The following LRP6 variants were observed in gnomAD, a reference collection of about 807,000 sequenced individuals.
The protein encoded by LRP6 is low-density lipoprotein receptor-related protein 6.
Under a neutral mutation model 184.1 loss-of-function variants are expected in LRP6, and 43 were observed. The ratio of observed to expected loss-of-function variants is 0.23; its 90% CI spans 0.18 to 0.30. The LOEUF is 0.30. Among genes scored for constraint, LRP6 ranks in the 10% least tolerant of loss-of-function variants. LRP6 has a pLI of 1.00. For missense variants in LRP6, 1,571 were observed against 2,005.3 expected, an observed-to-expected ratio of 0.78 and a Z score of 4.14; for synonymous variants, 719 against 684.9, an observed-to-expected ratio of 1.05 and a Z score of -0.78.
intron 19 of LRP6, among the ~76,000 whole-genome samples, chr12:12,127,366 T>G (rs1307644956): frequency 6.6e-6 from 1 of 152,246 alleles, no homozygotes; most frequent in Non-Finnish European, 1.5e-5. Flanking sequence ...TCAAATGTTT[T>G]ACCTGGAATG....
chr12:12,148,879 G>GA, intron 14 of LRP6, 63 bp downstream of exon 14: 1 of 1,184,688 alleles, frequency 8.4e-7, no homozygotes, highest in East Asian at 2.3e-5. Context: ...ATAACAGGCT[G>GA]AAAAAGAAGG....
chr12:12,204,540 T>C (rs1864001197), intron 2 of LRP6, among the ~76,000 whole-genome samples: 2 of 151,302 alleles, frequency 1.3e-5, no homozygotes, highest in Non-Finnish European at 2.9e-5. Flanking sequence ...TTTGCTTCTA[T>C]TCCACAAGTT....
At chr12:12,146,033 T>G (rs1292187727) in intron 15 of LRP6, among the ~76,000 whole-genome samples, 1 of 152,172 alleles carries the variant, frequency 6.6e-6, no homozygotes, top group African/African-American at 2.4e-5. Flanking sequence ...TCTTAAGAAT[T>G]TTTCTGAAAT....
chr12:12,129,918 A>C (rs2136858315), intron 19 of LRP6, among the ~76,000 whole-genome samples: 1 of 152,234 alleles, frequency 6.6e-6, no homozygotes, highest in South Asian at 2.1e-4. Flanking sequence ...GTCCCTAATA[A>C]GCTGACTACT....
chr12:12,155,589 T>C, intron 12 of LRP6: 2 of 754,572 alleles, frequency 2.7e-6, no homozygotes, highest in Non-Finnish European at 2.4e-6. Context: ...AAGGAAGCTA[T>C]CAGAAAATGG....
chr12:12,211,754 G>A (rs1176346307), intron 2 of LRP6, among the ~76,000 whole-genome samples: 1 of 152,118 alleles, frequency 6.6e-6, no homozygotes, highest in Non-Finnish European at 1.5e-5. Flanking sequence ...AAAGTTAGTG[G>A]ACATAATGCA....
chr12:12,179,042 C>G (rs1032957933), intron 7 of LRP6, among the ~76,000 whole-genome samples: 1 of 152,176 alleles, frequency 6.6e-6, no homozygotes, highest in African/African-American at 2.4e-5. Context: ...AGACCTAACT[C>G]TGTTCTATCT....
At chr12:12,170,008 A>C (rs1346788413) in intron 7 of LRP6, among the ~76,000 whole-genome samples, 2 of 152,184 alleles carry the variant, frequency 1.3e-5, no homozygotes, top group South Asian at 2.1e-4. Context: ...GTATGTGTCC[A>C]TTTAAAATTT....
At chr12:12,227,411 T>TA (rs1398332430) in intron 2 of LRP6, among the ~76,000 whole-genome samples, 2 of 144,418 alleles carry the variant, frequency 1.4e-5, no homozygotes, top group African/African-American at 5.1e-5. Flanking sequence ...TTCTTTTCCT[T>TA]TTTTTTTTTT....
In LRP6 at chr12:12,124,657, C is replaced by G; in HGVS notation, c.4455G>C (p.Leu1485Phe). ...STKGTYFPAILNPPPSPATER... is the reference protein window; with the variant it reads ...STKGTYFPAIFNPPPSPATER... The stretch of plus-strand genomic sequence containing the variant: ...CTGTGGCTGGGGATGGTGGAGGGTT[C>G]AAAATCTAAAAGAAAAAAATAATTA... The change falls in exon 22 of 23, where the codon TTG (leucine) becomes TTC (phenylalanine). Residue 1485 changes from leucine to phenylalanine, a missense_variant. This residue lies in a region of LRP6 where 763 missense variants were observed against 859.5 expected (regional missense o/e 0.89). Transcript: ENST00000261349. 6.2e-7 allele frequency: 1 copy of G among 1,601,992 alleles called. No homozygotes were observed. Among genetic ancestry groups the G allele is most frequent in the Non-Finnish European group, 8.5e-7 (1 of 1,170,766 alleles).
chr12:12,221,564 T>A (rs748425933), intron 2 of LRP6, among the ~76,000 whole-genome samples: 1 of 152,202 alleles, frequency 6.6e-6, no homozygotes, highest in Non-Finnish European at 1.5e-5. Flanking sequence ...ATATCCATTA[T>A]GTGGGTTCTT....
At chr12:12,157,355 G>A (rs1862618113) in intron 12 of LRP6, among the ~76,000 whole-genome samples, 1 of 151,836 alleles carries the variant, frequency 6.6e-6, no homozygotes, top group African/African-American at 2.4e-5. Flanking sequence ...CATTGTCCAG[G>A]TCTACCTGCA....
At chr12:12,243,673 A>G (rs1865116976) in intron 2 of LRP6, among the ~76,000 whole-genome samples, 1 of 152,202 alleles carries the variant, frequency 6.6e-6, no homozygotes, top group African/African-American at 2.4e-5. Flanking sequence ...GCACTTGGGG[A>G]GGCCAAGGCA....
rs75443988 is a variant in LRP6, at chr12:12,225,476, G to A, written c.449+18786C>T. ...ACCCGAGTAGGAAAACCTAAATTGCGATTGATGACTTGCTGGAGGCTTAGT... is the reference window on the plus strand; with the variant it reads ...ACCCGAGTAGGAAAACCTAAATTGCAATTGATGACTTGCTGGAGGCTTAGT... On this transcript the variant is annotated intron_variant, in intron 2 of 22. Transcript: ENST00000261349. Among the ~76,000 whole-genome samples the A allele has an allele frequency of 1.3e-3, 199 of 152,202 alleles. 3 individuals carry two copies. The East Asian group carries it at 0.032, about 24-fold the overall frequency.
At chr12:12,134,092 C>T (rs994266052) in intron 17 of LRP6, among the ~76,000 whole-genome samples, 1 of 152,096 alleles carries the variant, frequency 6.6e-6, no homozygotes, top group African/African-American at 2.4e-5. Flanking sequence ...TGAATACATG[C>T]ATTATTTATT....
At chr12:12,206,924 C>T (rs1353492315) in intron 2 of LRP6, among the ~76,000 whole-genome samples, 1 of 149,796 alleles carries the variant, frequency 6.7e-6, no homozygotes, top group South Asian at 2.1e-4. Flanking sequence ...CTCCCTTAAG[C>T]AATTAAAAAA....
chr12:12,138,361 T>C lies in LRP6; in HGVS notation c.3571A>G (p.Ile1191Val). 1.2e-6 allele frequency: 2 copies of C among 1,614,198 alleles called. No homozygotes were observed. The highest frequency in any genetic ancestry group is 4.5e-5 in the East Asian group (2 of 44,888). ...AGGTTCAGCTCCTTTACTGCATGAATGTCACTAAGCTGGGCAATTCGAGCT... is the reference window on the plus strand; with the variant it reads ...AGGTTCAGCTCCTTTACTGCATGAACGTCACTAAGCTGGGCAATTCGAGCT... Reference protein sequence around the residue: ...VQARIAQLSDIHAVKELNLQE... With the variant: ...VQARIAQLSDVHAVKELNLQE... The change falls in exon 16 of 23, where the codon ATT becomes GTT. Residue 1191 changes from isoleucine (I) to valine (V), a missense_variant. Physicochemically the swap from Ile to Val is conservative, Grantham distance 29. Coordinates refer to ENST00000261349, the MANE Select transcript of LRP6 (RefSeq NM_002336.3).
In LRP6 at chr12:12,124,557, T is replaced by C; in HGVS notation, c.4547+8A>G. 6.4e-7 allele frequency: 1 copy of C among 1,566,034 alleles called. No homozygotes were observed. The highest frequency in any genetic ancestry group is 2.2e-5 in the East Asian group (1 of 44,676). On this transcript the variant is annotated splice_region_variant and intron_variant, in intron 22 of 22. Coordinates refer to ENST00000261349, the MANE Select transcript of LRP6 (RefSeq NM_002336.3). Reference sequence around the variant, plus strand: ...CTGCACCTTATTTTAGAGAAGGATGTGTATTACCTGTATGACCTATGAGTG... The same window carrying C: ...CTGCACCTTATTTTAGAGAAGGATGCGTATTACCTGTATGACCTATGAGTG...
intron 4 of LRP6, among the ~76,000 whole-genome samples, chr12:12,186,641 A>C (rs1159429511): frequency 6.8e-6 from 1 of 146,844 alleles, no homozygotes. Context: ...CAGTCTCCCA[A>C]AGTGCTGGGA....
Sources: gnomAD v4.1 joint callset for allele counts (sites outside exome capture counted in the v4.1 genomes callset) on GRCh38, gnomAD v4.1.1 for gene constraint, gnomAD v4.1.1 regional missense constraint, MANE v1.5 for transcripts, NCBI Gene and HGNC (gene_info 2026-07-23, HGNC 2026-07-21) for gene names.